The following COP1 variants were observed in gnomAD, a reference collection of about 807,000 sequenced individuals.
The protein encoded by COP1 is E3 ubiquitin-protein ligase COP1.
A neutral mutation model predicts 101.3 loss-of-function variants in COP1; 24 were observed. The observed-to-expected ratio is 0.24, with a 90% CI of 0.17 to 0.33. COP1 has a LOEUF of 0.33. Ranked by LOEUF, COP1 falls within the 10% of genes least tolerant of loss-of-function variation. The pLI is 1.00. For synonymous variants in COP1, 347 were observed against 341.9 expected (o/e 1.01, Z -0.17); for missense variants, 663 against 906.2 (o/e 0.73, Z 3.45).
intron 18 of COP1, among the ~76,000 whole-genome samples, chr1:175,976,270 C>CTTTTTTTTTT (rs10694480): frequency 0.053 from 3,027 of 56,834 alleles, 984 homozygotes; most frequent in Non-Finnish European, 0.06. Flanking sequence ...ATTAGTCATT[C>CTTTTTTTTTT]TTTTTTTTTT....
intron 14 of COP1, among the ~76,000 whole-genome samples, chr1:176,031,466 T>C (rs1379297325): frequency 6.6e-6 from 1 of 152,124 alleles, no homozygotes; most frequent in African/African-American, 2.4e-5. Flanking sequence ...TCATTTAACT[T>C]CCAAAATTTA....
intron 9 of COP1, among the ~76,000 whole-genome samples, chr1:176,094,510 T>C (rs1681967438): frequency 6.6e-6 from 1 of 151,860 alleles, no homozygotes; most frequent in Non-Finnish European, 1.5e-5. Flanking sequence ...TACCTAGAGG[T>C]AGATATAAAT....
intron 14 of COP1, among the ~76,000 whole-genome samples, chr1:176,033,309 C>T (rs898981747): frequency 3.9e-5 from 6 of 152,042 alleles, no homozygotes; most frequent in African/African-American, 1.4e-4. Context: ...TGCCTGTAAC[C>T]CCAGCTACTT....
chr1:176,107,197 A>G (rs985069703), intron 9 of COP1, among the ~76,000 whole-genome samples: 3 of 152,214 alleles, frequency 2.0e-5, no homozygotes, highest in African/African-American at 4.8e-5. Flanking sequence ...ATATAAATAT[A>G]TAACAATGTA....
chr1:175,945,435 A>C (rs919044986), intron 19 of COP1, among the ~76,000 whole-genome samples: 2 of 152,230 alleles, frequency 1.3e-5, no homozygotes, highest in Non-Finnish European at 2.9e-5. Flanking sequence ...TGGAAAAATA[A>C]ATTGGCTAAT....
intron 9 of COP1, among the ~76,000 whole-genome samples, chr1:176,098,579 A>C (rs1682835460): frequency 6.6e-6 from 1 of 152,264 alleles, no homozygotes. Context: ...AACTTCAAAA[A>C]GGCATTATAT....
intron 9 of COP1, among the ~76,000 whole-genome samples, chr1:176,088,911 C>T (rs1680727024): frequency 6.7e-6 from 1 of 150,024 alleles, no homozygotes; most frequent in Non-Finnish European, 1.5e-5. Context: ...AGGAGAATCA[C>T]TTGAACCCAG....
intron 18 of COP1, among the ~76,000 whole-genome samples, chr1:175,980,064 A>AACATT (rs1342548856): frequency 6.6e-6 from 1 of 152,132 alleles, no homozygotes; most frequent in Admixed American, 6.6e-5. Context: ...ACCACATTTT[A>AACATT]ACATTATAAC....
At chr1:175,958,134 T>C (rs1487435378) in intron 18 of COP1, among the ~76,000 whole-genome samples, 1 of 152,132 alleles carries the variant, frequency 6.6e-6, no homozygotes, top group East Asian at 1.9e-4. Context: ...AAAAATTCAC[T>C]GAATACTCTT....
intron 5 of COP1, among the ~76,000 whole-genome samples, chr1:176,160,638 A>G (rs1694182982): frequency 6.6e-6 from 1 of 152,210 alleles, no homozygotes; most frequent in Non-Finnish European, 1.5e-5. Context: ...TTCTCAAAAG[A>G]AGACATTTAT....
intron 3 of COP1, among the ~76,000 whole-genome samples, chr1:176,164,323 T>C (rs562220855): frequency 3.9e-5 from 6 of 152,350 alleles, no homozygotes; most frequent in South Asian, 2.1e-4. Context: ...AAGACACTTT[T>C]AGCTAACTAT....
chr1:176,202,642 G>A (rs962596087), intron 1 of COP1, among the ~76,000 whole-genome samples: 6 of 151,798 alleles, frequency 4.0e-5, no homozygotes, highest in African/African-American at 7.3e-5. Flanking sequence ...AGACTAGCCT[G>A]GGCAACATAG....
chr1:176,078,698 G>A (rs1678538889), intron 11 of COP1, among the ~76,000 whole-genome samples: 1 of 150,478 alleles, frequency 6.6e-6, no homozygotes, highest in Non-Finnish European at 1.5e-5. Context: ...TGCCAACAGA[G>A]TAAACAGACA....
chr1:176,058,795 C>T (rs1331764179), intron 11 of COP1, among the ~76,000 whole-genome samples: 1 of 151,924 alleles, frequency 6.6e-6, no homozygotes, highest in Non-Finnish European at 1.5e-5. Flanking sequence ...TTATCAGATC[C>T]CATATATGAA....
At chr1:176,108,854 C>T (rs1684791897) in intron 9 of COP1, among the ~76,000 whole-genome samples, 1 of 152,076 alleles carries the variant, frequency 6.6e-6, no homozygotes, top group Non-Finnish European at 1.5e-5. Context: ...TGGCTCATGC[C>T]TCTAATCCCA....
intron 5 of COP1, among the ~76,000 whole-genome samples, chr1:176,154,075 G>A (rs1293847026): frequency 6.6e-6 from 1 of 152,132 alleles, no homozygotes; most frequent in African/African-American, 2.4e-5. Flanking sequence ...GTCTCTGCCA[G>A]GTTTTGGTAT....
At chr1:176,024,186 G>A (rs1667285964) in intron 15 of COP1, among the ~76,000 whole-genome samples, 2 of 152,310 alleles carry the variant, frequency 1.3e-5, no homozygotes, top group African/African-American at 4.8e-5. Context: ...TTGAGTCGGG[G>A]AGGCAGAGGT....
intron 9 of COP1, among the ~76,000 whole-genome samples, chr1:176,110,332 C>A (rs765337254): frequency 2.0e-5 from 3 of 152,194 alleles, no homozygotes; most frequent in South Asian, 2.1e-4. Context: ...CTGTTAAGTT[C>A]TTTTACCTCA....
At chr1:176,091,345 CAA>C (rs71129552) in intron 9 of COP1, among the ~76,000 whole-genome samples, 13 of 125,348 alleles carry the variant, frequency 1.0e-4, no homozygotes, top group East Asian at 2.3e-4. Flanking sequence ...GACTCCGTCT[CAA>C]AAAAAAAAAA....
Sources: allele counts gnomAD v4.1 joint callset (sites outside exome capture counted in the v4.1 genomes callset), GRCh38; gene constraint gnomAD v4.1.1; transcripts MANE v1.5; gene names NCBI Gene and HGNC (gene_info 2026-07-23, HGNC 2026-07-21).